Variants in DOCK5 observed in about 807,000 individuals in gnomAD.
The protein encoded by DOCK5 is dedicator of cytokinesis 5, also known as dedicator of cytokinesis protein 5.
In DOCK5, 142 loss-of-function variants were observed where a neutral mutation model predicts 251.8. The ratio of observed to expected loss-of-function variants is 0.56; its 90% CI spans 0.49 to 0.65. The LOEUF (loss-of-function observed/expected upper bound fraction) is 0.65. Among genes scored for constraint, DOCK5 ranks in the 30% least tolerant of loss-of-function variants. DOCK5 has a pLI of 0.00. For missense variants in DOCK5, 2,111 were observed against 2,312.3 expected (o/e 0.91, Z 1.79); for synonymous variants, 842 against 835.5 (o/e 1.01, Z -0.13).
chr8:25,259,721 A>G (rs181053471), intron 2 of DOCK5, among the ~76,000 whole-genome samples: 650 of 152,186 alleles, frequency 4.3e-3, no homozygotes, highest in Middle Eastern at 0.01. Flanking sequence ...TTGGCCTCCC[A>G]AAGTGGTGGG....
At chr8:25,402,363 C>G (rs557336615) in intron 47 of DOCK5, among the ~76,000 whole-genome samples, 2 of 152,234 alleles carry the variant, frequency 1.3e-5, no homozygotes, top group Admixed American at 6.5e-5. Context: ...GTGGCACGAT[C>G]TCAGCTCACT....
At chr8:25,350,493 G>T (rs1490492014) in intron 26 of DOCK5, among the ~76,000 whole-genome samples, 1 of 152,224 alleles carries the variant, frequency 6.6e-6, no homozygotes, top group East Asian at 1.9e-4. Context: ...AAAACTGCAA[G>T]CTCAGCGAAG....
At chr8:25,225,946 T>C (rs1802520054) in intron 1 of DOCK5, among the ~76,000 whole-genome samples, 1 of 152,108 alleles carries the variant, frequency 6.6e-6, no homozygotes, top group Non-Finnish European at 1.5e-5. Flanking sequence ...TTTTGCAAGA[T>C]GAAAGAGTTC....
intron 18 of DOCK5, among the ~76,000 whole-genome samples, chr8:25,331,801 T>TAGAGAG (rs59239520): frequency 6.8e-5 from 8 of 118,514 alleles, no homozygotes; most frequent in African/African-American, 2.8e-4. Context: ...TATATATATA[T>TAGAGAG]AGAGAGAGAG....
At chr8:25,373,541 A>C (rs1800911672) in intron 35 of DOCK5, 77 bp from the exon 36 acceptor site, 2 of 1,369,572 alleles carry the variant, frequency 1.5e-6, no homozygotes, top group African/African-American at 2.9e-5. Context: ...GAAAAGCAAC[A>C]ATAGTGGTTT....
Position 25,278,627 on chromosome 8 carries a change from C to G in DOCK5, c.283C>G (p.Leu95Val). The change falls in exon 5 of 52, where the codon CTG becomes GTG. Residue 95 changes from leucine to valine, a missense_variant. Coordinates refer to ENST00000276440, the MANE Select transcript of DOCK5 (RefSeq NM_024940.8). Reference protein sequence around the residue: ...LPLVQELTSTLREWAVIWRKL... With the variant: ...LPLVQELTSTVREWAVIWRKL... ...CCTGGTGCAGGAGCTCACGTCCACTCTGCGAGAATGGGCTGTCATCTGGCG... is the reference window on the plus strand; with the variant it reads ...CCTGGTGCAGGAGCTCACGTCCACTGTGCGAGAATGGGCTGTCATCTGGCG... 6.2e-7 allele frequency: 1 copy of G among 1,613,952 alleles called. No homozygotes were observed.
intron 21 of DOCK5, among the ~76,000 whole-genome samples, chr8:25,335,572 T>G (rs563891218): frequency 6.6e-6 from 1 of 151,946 alleles, no homozygotes; most frequent in Non-Finnish European, 1.5e-5. Context: ...ATTATTATTA[T>G]TCTAGGAAAG....
chr8:25,406,051 C>T (rs951211924), intron 48 of DOCK5, among the ~76,000 whole-genome samples: 2 of 152,024 alleles, frequency 1.3e-5, no homozygotes, highest in Non-Finnish European at 2.9e-5. Flanking sequence ...CTCCGCCTCC[C>T]GGGTTCACGC....
chr8:25,303,279 G>A (rs1804816026), intron 10 of DOCK5, among the ~76,000 whole-genome samples: 1 of 152,104 alleles, frequency 6.6e-6, no homozygotes, highest in African/African-American at 2.4e-5. Context: ...CCCCCTTAGT[G>A]CCCAACACTG....
Position 25,388,866 on chromosome 8 carries a change from C to A in DOCK5, c.4132-225C>A, listed in dbSNP as rs548372375. Reference sequence around the variant, plus strand: ...TCCTTGGGCCACACTGGAAGAAGAACTGGGCTAAGTATTTTTTATGCCTGT... The same window carrying A: ...TCCTTGGGCCACACTGGAAGAAGAAATGGGCTAAGTATTTTTTATGCCTGT... On this transcript the variant is annotated intron_variant, in intron 40 of 51. Transcript: ENST00000276440. 1.4e-5 allele frequency: 7 copies of A among 514,242 alleles called. No individual in the cohort carries two copies. The East Asian group carries it at 2.3e-4, about 17-fold the overall frequency. 31.9% of individuals were successfully genotyped at this position (514,242 alleles called of 1,614,324 possible).
rs370336735 is a variant in DOCK5 at position 25,275,359 on chromosome 8, A to G, written c.169-27A>G. The stretch of plus-strand genomic sequence containing the variant: ...TGGTTTTTGTTTTGTTTTTATGGCC[A>G]TATAACCAAAATTCTTTTCTCTGTA... On this transcript the variant is annotated intron_variant, in intron 3 of 51. Coordinates refer to ENST00000276440, the MANE Select transcript of DOCK5 (RefSeq NM_024940.8). 3.0e-5 allele frequency: 47 copies of G among 1,584,672 alleles called. No homozygotes were observed. The African/African-American group carries it at 4.9e-4, about 17-fold the overall frequency.
intron 42 of DOCK5, among the ~76,000 whole-genome samples, chr8:25,391,201 GTGTGTGTGTGTGT>G (rs1801253624): frequency 0.022 from 3,140 of 139,704 alleles, 107 homozygotes; most frequent in African/African-American, 0.066. Flanking sequence ...CCACACCTGT[GTGTGTGTGTGTGT>G]GTGTGTGTGT....
rs550362599 is a variant in DOCK5, at chr8:25,205,090, G to A, written c.43+20139G>A. On this transcript the variant is annotated intron_variant, in intron 1 of 51. Transcript: ENST00000276440. ...AAAAGTTAATTAAAGTACAGACAGGGTCTCATTATGTTGGCCAGGTTGGTC... is the reference window on the plus strand; with the variant it reads ...AAAAGTTAATTAAAGTACAGACAGGATCTCATTATGTTGGCCAGGTTGGTC... Among the ~76,000 whole-genome samples, 13 of 152,116 alleles carry A rather than the reference G, an allele frequency of 8.5e-5. No individual in the cohort carries two copies. In the South Asian group the frequency reaches 2.3e-3, roughly 27 times the overall value.
chr8:25,411,433 A>G lies in DOCK5; in HGVS notation c.*135A>G, dbSNP rs1273647804. On this transcript the variant is annotated 3_prime_UTR_variant, in exon 52 of 52. Transcript: ENST00000276440. ...ATCTGGGATGATGTTTACCAGCCCA[A>G]AACCAGTCATGTTCTTCCAAAAGCT... The G allele has an allele frequency of 8.3e-7, 1 of 1,211,584 alleles. No homozygotes were observed. Among genetic ancestry groups the G allele is most frequent in the Admixed American group, 4.2e-5 (1 of 23,712 alleles). 75.1% of individuals were successfully genotyped at this position (1,211,584 alleles called of 1,614,324 possible).
rs759182649 is a variant in DOCK5, at chr8:25,373,608, T to TC, written c.3685-10_3685-9insC. On this transcript the variant is annotated splice_polypyrimidine_tract_variant and intron_variant, in intron 35 of 51. Coordinates refer to ENST00000276440, the MANE Select transcript of DOCK5 (RefSeq NM_024940.8). ...TGTTGGGATTCTGTGATCCTTTTTT[T>TC]TCCTGGCAGAACTTTTATAAAGAAA... 4 of 1,590,322 alleles carry TC rather than the reference T, an allele frequency of 2.5e-6. No homozygotes were observed. Among genetic ancestry groups the TC allele is most frequent in the Non-Finnish European group, 2.6e-6 (3 of 1,167,544 alleles).
intron 2 of DOCK5, 70 bp downstream of exon 2, chr8:25,243,827 A>T: frequency 3.5e-6 from 5 of 1,435,776 alleles, no homozygotes; most frequent in Non-Finnish European, 4.8e-6. Flanking sequence ...TTAAAAAGGC[A>T]CTTAGAGTAA....
chr8:25,307,661 T>C (rs1226162606), intron 11 of DOCK5, among the ~76,000 whole-genome samples: 1 of 152,186 alleles, frequency 6.6e-6, no homozygotes, highest in Non-Finnish European at 1.5e-5. Flanking sequence ...TCCTGCTTAA[T>C]TTCTGAACCA....
chr8:25,350,388 C>T (rs1019953342), intron 26 of DOCK5, among the ~76,000 whole-genome samples: 2 of 151,942 alleles, frequency 1.3e-5, no homozygotes, highest in African/African-American at 4.8e-5. Context: ...TAATATCTAG[C>T]TACAAAAAAG....
At chr8:25,267,315 C>A (rs945844958) in intron 2 of DOCK5, among the ~76,000 whole-genome samples, 1 of 152,180 alleles carries the variant, frequency 6.6e-6, no homozygotes, top group African/African-American at 2.4e-5. Context: ...GTACCCCACG[C>A]CTCCCTGTAA....
Sources: gnomAD v4.1 joint callset for allele counts (sites outside exome capture counted in the v4.1 genomes callset) on GRCh38, gnomAD v4.1.1 for gene constraint, MANE v1.5 for transcripts, NCBI Gene and HGNC (gene_info 2026-07-23, HGNC 2026-07-21) for gene names.